RAPGEF1: variants seen among roughly 807,000 people sequenced by gnomAD.
The protein encoded by RAPGEF1 is Rap guanine nucleotide exchange factor 1, also known as CRK SH3-binding GNRP.
Under a neutral mutation model 143.3 loss-of-function variants are expected in RAPGEF1, and 33 were observed. That is an observed-to-expected ratio of 0.23 (90% confidence interval 0.17 to 0.31). The LOEUF is 0.31. Ranked by LOEUF, RAPGEF1 falls within the 10% of genes least tolerant of loss-of-function variation. RAPGEF1 has a pLI of 1.00. For synonymous variants in RAPGEF1, 629 were observed against 676.5 expected, an observed-to-expected ratio of 0.93 and a Z score of 1.09; for missense variants, 1,199 against 1,645.4, an observed-to-expected ratio of 0.73 and a Z score of 4.69.
chr9:131,603,905 GA>G, intron 14 of RAPGEF1, 55 bp downstream of exon 14: 5 of 1,128,770 alleles, frequency 4.4e-6, no homozygotes, highest in Non-Finnish European at 5.9e-6. Flanking sequence ...CGGGAGGGCA[GA>G]GCCCAAGCCC....
chr9:131,717,948 C>A (rs1380936328), intron 1 of RAPGEF1, among the ~76,000 whole-genome samples: 2 of 152,098 alleles, frequency 1.3e-5, no homozygotes, highest in East Asian at 1.9e-4. Context: ...AAGAGGAACT[C>A]ATGTTTGCCC....
intron 1 of RAPGEF1, among the ~76,000 whole-genome samples, chr9:131,712,302 C>T (rs965392473): frequency 2.0e-5 from 3 of 152,198 alleles, no homozygotes; most frequent in Non-Finnish European, 4.4e-5. Flanking sequence ...TGCTTAATAA[C>T]TCTCTGTTGA....
rs867781932 is a variant in RAPGEF1 at position 131,635,145 on chromosome 9, A to G, written c.651+3490T>C. Among the ~76,000 whole-genome samples, 3 of 152,178 alleles carry G rather than the reference A, an allele frequency of 2.0e-5. No homozygotes were observed. The South Asian group carries it at 6.2e-4, about 32-fold the overall frequency. On this transcript the variant is annotated intron_variant, in intron 5 of 26. Coordinates refer to ENST00000683357, the MANE Select transcript of RAPGEF1 (RefSeq NM_001377935.1). The stretch of plus-strand genomic sequence containing the variant: ...AAATGGTCACTGTGAGCCGTTAGAA[A>G]TGAACACTTCTCCAGGTAACACTGT...
chr9:131,666,517 G>A (rs566201052), intron 1 of RAPGEF1, among the ~76,000 whole-genome samples: 1 of 152,000 alleles, frequency 6.6e-6, no homozygotes, highest in Non-Finnish European at 1.5e-5. Context: ...CTCCTGAGTA[G>A]CGGGGACTAC....
intron 12 of RAPGEF1, among the ~76,000 whole-genome samples, chr9:131,614,698 GTGCTGA>G (rs1958630665): frequency 6.6e-6 from 1 of 152,264 alleles, no homozygotes; most frequent in South Asian, 2.1e-4. Flanking sequence ...GAGAGCACAT[GTGCTGA>G]TGCACAGAAA....
chr9:131,648,159 G>A (rs543125213), intron 3 of RAPGEF1, among the ~76,000 whole-genome samples: 1 of 152,290 alleles, frequency 6.6e-6, no homozygotes, highest in South Asian at 2.1e-4. Flanking sequence ...AGAGGATGAG[G>A]CGGGCAGATC....
At chr9:131,658,704 A>G (rs903220199) in intron 1 of RAPGEF1, among the ~76,000 whole-genome samples, 24 of 152,186 alleles carry the variant, frequency 1.6e-4, no homozygotes, top group Non-Finnish European at 2.2e-4. Flanking sequence ...TGCTCACAGA[A>G]TCATGTCTCA....
intron 1 of RAPGEF1, among the ~76,000 whole-genome samples, chr9:131,702,401 T>C (rs1273852684): frequency 6.6e-6 from 1 of 152,144 alleles, no homozygotes; most frequent in East Asian, 1.9e-4. Flanking sequence ...CCAAAGCAAA[T>C]GACTGTGGGA....
intron 1 of RAPGEF1, among the ~76,000 whole-genome samples, chr9:131,698,964 A>G (rs1834413675): frequency 6.6e-6 from 1 of 152,212 alleles, no homozygotes; most frequent in African/African-American, 2.4e-5. Flanking sequence ...TACTCAATGC[A>G]CCACAGCTGA....
chr9:131,628,578 A>G lies in RAPGEF1; in HGVS notation c.988T>C (p.Ser330Pro). The change falls in exon 8 of 27, where the codon TCC (serine) becomes CCC (proline). Residue 330 changes from serine to proline, a missense_variant. Ser to Pro is a moderately conservative substitution (Grantham distance 74). This residue lies in a region of RAPGEF1 where 613 missense variants were observed against 710.9 expected (regional missense o/e 0.86). Coordinates refer to ENST00000683357, the MANE Select transcript of RAPGEF1 (RefSeq NM_001377935.1). The surrounding 1 kb of genome is among the most constrained non-coding windows in gnomAD (Gnocchi z 5.7). ...CTATTGATTCCAACAGGCAAACTGG[A>G]GCCACTGGTGGCTCGGCTCATGGGG... ...VAPMSRATSG[S>P]SLPVGINRQD... 1 of 1,612,812 alleles carries G rather than the reference A, an allele frequency of 6.2e-7. No individual in the cohort carries two copies. The highest frequency in any genetic ancestry group is 8.5e-7 in the Non-Finnish European group (1 of 1,178,864).
At chr9:131,727,859 T>C (rs570633841) in intron 1 of RAPGEF1, among the ~76,000 whole-genome samples, 1 of 152,360 alleles carries the variant, frequency 6.6e-6, no homozygotes, top group East Asian at 1.9e-4. Flanking sequence ...TTTTGATCTA[T>C]GCCTTTGGTC....
chr9:131,659,663 G>A (rs1321023310), intron 1 of RAPGEF1, among the ~76,000 whole-genome samples: 4 of 152,188 alleles, frequency 2.6e-5, no homozygotes, highest in Non-Finnish European at 4.4e-5. Context: ...TGACCCGTGT[G>A]TAAAGCATGT....
chr9:131,680,667 T>C (rs1391160475), intron 1 of RAPGEF1, among the ~76,000 whole-genome samples: 1 of 152,226 alleles, frequency 6.6e-6, no homozygotes, highest in Non-Finnish European at 1.5e-5. Flanking sequence ...TTGTTTCCCA[T>C]AAGGGATACC....
chr9:131,736,131 C>A (rs1837398852), intron 1 of RAPGEF1, among the ~76,000 whole-genome samples: 1 of 152,188 alleles, frequency 6.6e-6, no homozygotes, highest in South Asian at 2.1e-4. Context: ...CAGCTGCATA[C>A]ATCTCCCATC....
At chr9:131,718,310 G>A (rs1030816656) in intron 1 of RAPGEF1, among the ~76,000 whole-genome samples, 1 of 152,222 alleles carries the variant, frequency 6.6e-6, no homozygotes, top group African/African-American at 2.4e-5. Context: ...AGTCCAGGGC[G>A]CACACAGGCC....
chr9:131,589,129 G>A, intron 19 of RAPGEF1, 143 bp from the exon 20 acceptor site: 1 of 781,510 alleles, frequency 1.3e-6, no homozygotes. Flanking sequence ...GAGAGCAGGA[G>A]ACGAGAGCCT....
Position 131,628,508 on chromosome 9 carries a change from C to A in RAPGEF1, c.1017+41G>T, listed in dbSNP as rs1963940178. ...GAGCCACATCCCTGAGCCCCCCACC[C>A]CCTCCCTGCCTTCCCATGCAGGGAA... On this transcript the variant is annotated intron_variant, in intron 8 of 26. Coordinates refer to ENST00000683357, the MANE Select transcript of RAPGEF1 (RefSeq NM_001377935.1). This position sits in a 1 kb window ranked among gnomAD's most constrained non-coding sequence, Gnocchi z 5.7. 6.3e-7 allele frequency: 1 copy of A among 1,599,676 alleles called. No homozygotes were observed. Among genetic ancestry groups the A allele is most frequent in the South Asian group, 1.1e-5 (1 of 90,444 alleles).
intron 12 of RAPGEF1, among the ~76,000 whole-genome samples, chr9:131,613,289 T>A (rs1958337644): frequency 6.6e-6 from 1 of 151,760 alleles, no homozygotes; most frequent in East Asian, 1.9e-4. Flanking sequence ...AAGGAGAAAC[T>A]CGTATGTTGG....
chr9:131,584,468 C>G lies in RAPGEF1; in HGVS notation c.3312+50G>C. 1 of 1,612,820 alleles carries G rather than the reference C, an allele frequency of 6.2e-7. No individual in the cohort carries two copies. Among genetic ancestry groups the G allele is most frequent in the Non-Finnish European group, 8.5e-7 (1 of 1,178,788 alleles). ...GGAGGGCAGGCGGGTCCCGGGCTCCCAGAGCAGGGACTGATGATGGGGGCC... is the reference window on the plus strand; with the variant it reads ...GGAGGGCAGGCGGGTCCCGGGCTCCGAGAGCAGGGACTGATGATGGGGGCC... On this transcript the variant is annotated intron_variant, in intron 23 of 26. Transcript: ENST00000683357. This position sits in a 1 kb window ranked among gnomAD's most constrained non-coding sequence, Gnocchi z 6.8.
Sources: allele counts gnomAD v4.1 joint callset (sites outside exome capture counted in the v4.1 genomes callset), GRCh38; gene constraint gnomAD v4.1.1; regional missense constraint gnomAD v4.1.1; non-coding constraint Gnocchi (gnomAD v3.1); transcripts MANE v1.5; gene names NCBI Gene and HGNC (gene_info 2026-07-23, HGNC 2026-07-21).